C9: variants seen among roughly 807,000 people sequenced by gnomAD.
C9 encodes complement component C9.
Under a neutral mutation model 65.4 loss-of-function variants are expected in C9, and 63 were observed. That is an observed-to-expected ratio of 0.96 (90% CI 0.79 to 1.19). The LOEUF is 1.19. Among genes scored for constraint, C9 ranks in the 50% most tolerant of loss-of-function variants. C9 has a pLI of 0.00. For missense variants in C9, 744 were observed against 670.1 expected, an observed-to-expected ratio of 1.11 and a Z score of -1.22; for synonymous variants, 229 against 227.9, an observed-to-expected ratio of 1.00 and a Z score of -0.04.
chr5:39,350,981 C>A (rs1754311739), intron 1 of C9, among the ~76,000 whole-genome samples: 1 of 152,206 alleles, frequency 6.6e-6, no homozygotes, highest in Non-Finnish European at 1.5e-5. Context: ...GTCCCTATAG[C>A]AAACTTCTGC....
intron 9 of C9, 89 bp from the exon 10 acceptor site, chr5:39,289,040 T>C: frequency 1.3e-6 from 1 of 765,934 alleles, no homozygotes; most frequent in Non-Finnish European, 2.3e-6. Context: ...ATTCACTGAT[T>C]CATTAATTCA....
At chr5:39,333,157 AT>A (rs1463573563) in intron 4 of C9, among the ~76,000 whole-genome samples, 7 of 144,838 alleles carry the variant, frequency 4.8e-5, no homozygotes, top group East Asian at 2.1e-4. Context: ...TATTTGATTT[AT>A]TTTTTTAAAC....
At chr5:39,326,515 A>G (rs1753749573) in intron 5 of C9, among the ~76,000 whole-genome samples, 1 of 152,174 alleles carries the variant, frequency 6.6e-6, no homozygotes, top group East Asian at 1.9e-4. Flanking sequence ...AAGTTCTAAA[A>G]TGAAACTCTC....
chr5:39,319,809 A>G (rs1477588368), intron 5 of C9, among the ~76,000 whole-genome samples: 1 of 152,114 alleles, frequency 6.6e-6, no homozygotes, highest in East Asian at 1.9e-4. Context: ...CACTGGACCC[A>G]GGATCCAGGC....
At chr5:39,311,494 T>C in intron 6 of C9, 117 bp from the exon 7 acceptor site, 1 of 915,292 alleles carries the variant, frequency 1.1e-6, no homozygotes, top group Non-Finnish European at 1.7e-6. Context: ...GACCATGAGA[T>C]ACCACTCTAA....
At chr5:39,322,486 G>T (rs1019707726) in intron 5 of C9, among the ~76,000 whole-genome samples, 1 of 151,866 alleles carries the variant, frequency 6.6e-6, no homozygotes, top group Non-Finnish European at 1.5e-5. Flanking sequence ...GAATAATAAA[G>T]ATCAGAGCAG....
intron 1 of C9, among the ~76,000 whole-genome samples, chr5:39,348,869 T>C (rs1754262463): frequency 6.6e-6 from 1 of 152,062 alleles, no homozygotes; most frequent in Non-Finnish European, 1.5e-5. Flanking sequence ...ATGTCCTTTG[T>C]AGGGACATGG....
intron 10 of C9, among the ~76,000 whole-genome samples, chr5:39,287,462 T>TTTA (rs1753011577): frequency 6.6e-6 from 1 of 152,038 alleles, no homozygotes; most frequent in Admixed American, 6.6e-5. Context: ...GAAAATAATC[T>TTTA]TTATATGAAA....
rs754465453 is a variant in C9, at chr5:39,342,086, C to G, written c.183+5G>C. On this transcript the variant is annotated splice_donor_5th_base_variant and intron_variant, in intron 2 of 10. Transcript: ENST00000263408. ...GGTCAGTGGGGAAGGGAGATGAACA[C>G]TTACCATTTGTCTGAGACAAGGATC... 1.2e-5 allele frequency: 18 copies of G among 1,504,432 alleles called. No individual in the cohort carries two copies. In the East Asian group the frequency reaches 2.3e-4, roughly 19 times the overall value. The allele number at this position is 1,504,432 out of a possible 1,614,324, so 93.2% of individuals were successfully genotyped here.
chr5:39,362,896 C>A (rs1024512098), intron 1 of C9, among the ~76,000 whole-genome samples: 1 of 152,074 alleles, frequency 6.6e-6, no homozygotes, highest in African/African-American at 2.4e-5. Flanking sequence ...TGGGAGCCCA[C>A]GAAACCAAAC....
intron 1 of C9, among the ~76,000 whole-genome samples, chr5:39,362,494 T>G (rs1470587610): frequency 6.6e-6 from 1 of 152,122 alleles, no homozygotes; most frequent in Non-Finnish European, 1.5e-5. Context: ...TGCCAACACC[T>G]TGATTTCAGA....
At chr5:39,346,337 A>T (rs1381011930) in intron 1 of C9, among the ~76,000 whole-genome samples, 2 of 152,238 alleles carry the variant, frequency 1.3e-5, no homozygotes, top group African/African-American at 4.8e-5. Context: ...GACAAAGGGG[A>T]TATCACCACT....
chr5:39,341,541 A>C lies in C9; in HGVS notation c.328+15T>G. ...CACAGAAAGCCACAATGAGCAATTCAAGCACAAAGATTACCTGTACTGCAT... is the reference window on the plus strand; with the variant it reads ...CACAGAAAGCCACAATGAGCAATTCCAGCACAAAGATTACCTGTACTGCAT... On this transcript the variant is annotated intron_variant, in intron 3 of 10. Transcript: ENST00000263408. 6.2e-7 allele frequency: 1 copy of C among 1,613,466 alleles called. No homozygotes were observed. The highest frequency in any genetic ancestry group is 1.1e-5 in the South Asian group (1 of 91,054).
intron 5 of C9, among the ~76,000 whole-genome samples, chr5:39,321,910 T>A (rs1040529695): frequency 6.6e-6 from 1 of 152,030 alleles, no homozygotes. Context: ...GTAGGGGACT[T>A]CTTAATACTC....
At chr5:39,334,196 T>G (rs1753907290) in intron 4 of C9, among the ~76,000 whole-genome samples, 1 of 149,114 alleles carries the variant, frequency 6.7e-6, no homozygotes, top group Non-Finnish European at 1.5e-5. Context: ...CCATCCCATC[T>G]AGGAAGTGAG....
chr5:39,360,505 A>G (rs1462419221), intron 1 of C9, among the ~76,000 whole-genome samples: 1 of 152,240 alleles, frequency 6.6e-6, no homozygotes, highest in Admixed American at 6.5e-5. Flanking sequence ...AACATACCAC[A>G]TAAAGTCAAA....
At chr5:39,325,505 T>C (rs1753732121) in intron 5 of C9, among the ~76,000 whole-genome samples, 2 of 152,180 alleles carry the variant, frequency 1.3e-5, no homozygotes, top group Non-Finnish European at 2.9e-5. Context: ...CCAGGCGCGG[T>C]TGCTCACGCC....
At chr5:39,354,499 A>T (rs1250421897) in intron 1 of C9, among the ~76,000 whole-genome samples, 1 of 152,222 alleles carries the variant, frequency 6.6e-6, no homozygotes, top group African/African-American at 2.4e-5. Context: ...CATCTGGTGG[A>T]AATCCATGAT....
At chr5:39,315,204 T>G (rs1337621747) in intron 6 of C9, among the ~76,000 whole-genome samples, 3 of 152,168 alleles carry the variant, frequency 2.0e-5, no homozygotes, top group African/African-American at 7.2e-5. Flanking sequence ...GAATGAGCAT[T>G]TTACTGGCGT....
Sources: allele counts gnomAD v4.1 joint callset (sites outside exome capture counted in the v4.1 genomes callset), GRCh38; gene constraint gnomAD v4.1.1; transcripts MANE v1.5; gene names NCBI Gene and HGNC (gene_info 2026-07-23, HGNC 2026-07-21).